FHDC1: variants seen among roughly 807,000 people sequenced by gnomAD.
FHDC1 encodes FH2 domain containing 1.
FHDC1 carries 25 observed loss-of-function variants against 52.6 expected under a neutral mutation model. The ratio of observed to expected loss-of-function variants is 0.48; its 90% CI spans 0.35 to 0.66. FHDC1 has a LOEUF of 0.66. FHDC1 is among the 30% of genes least tolerant of loss of function. FHDC1 has a pLI of 0.01. For missense variants in FHDC1, 1,459 were observed against 1,452.8 expected (o/e 1.00, Z -0.07); for synonymous variants, 616 against 581.5 (o/e 1.06, Z -0.85).
chr4:152,955,514 C>T (rs563061082), intron 4 of FHDC1, among the ~76,000 whole-genome samples: 1 of 152,116 alleles, frequency 6.6e-6, no homozygotes, highest in Admixed American at 6.5e-5. Flanking sequence ...TTTTTTGAGA[C>T]AGTCTTGCTC....
intron 2 of FHDC1, among the ~76,000 whole-genome samples, chr4:152,950,575 C>A (rs935875646): frequency 1.3e-5 from 2 of 152,226 alleles, no homozygotes; most frequent in Non-Finnish European, 2.9e-5. Context: ...GCTTCTACAG[C>A]TGGGCTGCCC....
chr4:152,935,589 C>A (rs550164310), upstream of FHDC1, among the ~76,000 whole-genome samples: 1 of 152,268 alleles, frequency 6.6e-6, no homozygotes, highest in Non-Finnish European at 1.5e-5. Context: ...TTAATACAAC[C>A]TAAAGGTTTC....
At position 152,975,613 on chromosome 4, in the gene FHDC1, G is replaced by A. The variant is rs7688776; in HGVS notation, c.2322G>A (p.Ser774=). 1.1e-5 allele frequency: 18 copies of A among 1,613,546 alleles called. No individual in the cohort carries two copies. The highest frequency in any genetic ancestry group is 8.3e-5 in the Admixed American group (5 of 60,024). ...NKDPRPLFCI[S]DTTDCSLTLD... is the part of the protein sequence containing the mutation. ...ATCCTAGACCTCTGTTCTGCATCTC[G>A]GACACCACCGACTGCTCACTGACCC... Residue 774 remains serine, a synonymous_variant, in exon 12 of 12, where the codon TCG becomes TCA. Coordinates refer to ENST00000511601, the MANE Select transcript of FHDC1 (RefSeq NM_001371116.1).
chr4:152,971,257 G>A (rs546668525), intron 10 of FHDC1, among the ~76,000 whole-genome samples: 16 of 152,288 alleles, frequency 1.1e-4, no homozygotes, highest in South Asian at 4.1e-4. Context: ...TCAGGAGGCC[G>A]AGGTGGGAGG....
At chr4:152,939,425 C>T (rs1349829923) in intron 1 of FHDC1, among the ~76,000 whole-genome samples, 2 of 152,080 alleles carry the variant, frequency 1.3e-5, no homozygotes, top group East Asian at 1.9e-4. Flanking sequence ...TGAGCCACCG[C>T]GCCTGGCCGA....
chr4:152,976,141 A>G lies in FHDC1; in HGVS notation c.2850A>G (p.Thr950=). 5 of 1,611,440 alleles carry G rather than the reference A, an allele frequency of 3.1e-6. No homozygotes were observed. The highest frequency in any genetic ancestry group is 4.2e-6 in the Non-Finnish European group (5 of 1,179,212). ...AGAACTCCGTGCGGAGGGCCTCCAC[A>G]GGCGCCGAAGAGCAGAGGCTGCCGC... is the stretch of plus-strand genomic sequence containing the variant. The part of the protein sequence containing the change: ...SRQNSVRRAS[T]GAEEQRLPRG... The change falls in exon 12 of 12, where the codon ACA becomes ACG. Residue 950 remains threonine (T), a synonymous_variant. Coordinates refer to ENST00000511601, the MANE Select transcript of FHDC1 (RefSeq NM_001371116.1).
At chr4:152,955,724 C>T (rs1470133116) in intron 4 of FHDC1, among the ~76,000 whole-genome samples, 7 of 152,304 alleles carry the variant, frequency 4.6e-5, no homozygotes, top group African/African-American at 7.2e-5. Flanking sequence ...GTTATTCACC[C>T]GCCTTGGCCT....
chr4:152,943,040 A>G lies in FHDC1; in HGVS notation c.-18A>G, dbSNP rs1357264371. ...TCTCCAAGGCCAAGAAATTATCTCC[A>G]TAGGAGGCAACAGTACTATGCATGT... On this transcript the variant is annotated 5_prime_UTR_variant, in exon 2 of 12. Transcript: ENST00000511601. The G allele has an allele frequency of 1.3e-6, 2 of 1,591,260 alleles. No homozygotes were observed. The highest frequency in any genetic ancestry group is 2.2e-5 in the East Asian group (1 of 44,608).
At chr4:152,970,455 T>C (rs1342291577) in intron 10 of FHDC1, among the ~76,000 whole-genome samples, 1 of 152,184 alleles carries the variant, frequency 6.6e-6, no homozygotes, top group Non-Finnish European at 1.5e-5. Context: ...GTCCAAAGGG[T>C]GACTTCAGTG....
chr4:152,957,923 C>T (rs1740151906), intron 4 of FHDC1, among the ~76,000 whole-genome samples: 1 of 152,094 alleles, frequency 6.6e-6, no homozygotes, highest in Non-Finnish European at 1.5e-5. Flanking sequence ...AGGGAACACC[C>T]CCACCACGCC....
the FHDC1 span, among the ~76,000 whole-genome samples, chr4:152,927,064 C>T: frequency 6.6e-6 from 1 of 152,178 alleles, no homozygotes; most frequent in Non-Finnish European, 1.5e-5. Flanking sequence ...TTGAAGTGAG[C>T]TCAGACTCCA....
rs753654479 is a variant in FHDC1 at position 152,976,026 on chromosome 4, G to C, written c.2735G>C (p.Ser912Thr). ...AAGGTCATGCCCATCACCAAGTCCAGCAGAGGCGCCGGCTGGAGGCGACCA... is the reference window on the plus strand; with the variant it reads ...AAGGTCATGCCCATCACCAAGTCCACCAGAGGCGCCGGCTGGAGGCGACCA... ...MRKVMPITKS[S>T]RGAGWRRPEL... The change falls in exon 12 of 12, where the codon AGC (serine) becomes ACC (threonine). Residue 912 changes from serine (S) to threonine (T), a missense_variant. Ser to Thr is a moderately conservative substitution (Grantham distance 58). Around this residue, in one of 3 missense-constraint regions of FHDC1, gnomAD observed 939 missense variants for 854.5 expected, o/e 1.10. Coordinates refer to ENST00000511601, the MANE Select transcript of FHDC1 (RefSeq NM_001371116.1). 1 of 1,561,038 alleles carries C rather than the reference G, an allele frequency of 6.4e-7. No homozygotes were observed. The highest frequency in any genetic ancestry group is 8.6e-7 in the Non-Finnish European group (1 of 1,157,712).
chr4:152,957,944 T>C (rs1009497073), intron 4 of FHDC1, among the ~76,000 whole-genome samples: 5 of 152,170 alleles, frequency 3.3e-5, no homozygotes, highest in Non-Finnish European at 7.3e-5. Flanking sequence ...TGACCAGCCC[T>C]TCCTCTGTTG....
At chr4:152,922,331 C>T in the FHDC1 span, among the ~76,000 whole-genome samples, 1 of 152,170 alleles carries the variant, frequency 6.6e-6, no homozygotes, top group Non-Finnish European at 1.5e-5. Context: ...TCTGAATAGA[C>T]CAATAACAGG....
chr4:152,972,430 T>A lies in FHDC1; in HGVS notation c.1272T>A (p.Asp424Glu). 6.2e-7 allele frequency: 1 copy of A among 1,610,362 alleles called. No homozygotes were observed. The highest frequency in any genetic ancestry group is 8.5e-7 in the Non-Finnish European group (1 of 1,179,186). ...AATGCTGGAAACAAGAGCTCCAGGA[T>A]GAGGCCTACACCCTTATAGATTTTT... is the stretch of plus-strand genomic sequence containing the variant. ...ELECWKQELQ[D>E]EAYTLIDFFC... The change falls in exon 11 of 12, where the codon GAT becomes GAA. Residue 424 changes from aspartate (D) to glutamate (E), a missense_variant. Physicochemically the swap from Asp to Glu is conservative, Grantham distance 45. Around this residue, in one of 3 missense-constraint regions of FHDC1, gnomAD observed 513 missense variants for 581.5 expected, o/e 0.88. Transcript: ENST00000511601.
At chr4:152,928,144 C>T in the FHDC1 span, 10 of 853,082 alleles carry the variant, frequency 1.2e-5, no homozygotes, top group Non-Finnish European at 2.1e-5. Context: ...GTGAAGGCAC[C>T]ATCAATGCCA....
chr4:152,974,393 TAAA>T (rs147035880), intron 11 of FHDC1, among the ~76,000 whole-genome samples: 87,621 of 151,584 alleles, frequency 0.58, 29,409 homozygotes, highest in Non-Finnish European at 0.75. Context: ...AAGGATCGGA[TAAA>T]AACTGTAGAC....
intron 10 of FHDC1, among the ~76,000 whole-genome samples, chr4:152,968,315 T>C (rs1052909116): frequency 9.2e-5 from 14 of 151,588 alleles, no homozygotes; most frequent in African/African-American, 3.4e-4. Context: ...TGTCTCTTCG[T>C]TTGTTTGACT....
At position 152,975,203 on chromosome 4, in the gene FHDC1, C is replaced by T. The variant is rs778658082; in HGVS notation, c.1912C>T (p.Arg638Trp). Residue 638 changes from arginine to tryptophan, a missense_variant, in exon 12 of 12, where the codon CGG (arginine) becomes TGG (tryptophan). Arg to Trp is a moderately radical substitution (Grantham distance 101, BLOSUM62 -3). Coordinates refer to ENST00000511601, the MANE Select transcript of FHDC1 (RefSeq NM_001371116.1). ...CCATGCCTCTGCCTTCCCCAGAGCT[C>T]GGCGCCAGGGCGTCAGTGTCCTCCG... ...ENHASAFPRA[R>W]RQGVSVLRKR... 28 of 1,613,142 alleles carry T rather than the reference C, an allele frequency of 1.7e-5. No individual in the cohort carries two copies. Among genetic ancestry groups the T allele is most frequent in the East Asian group, 4.5e-5 (2 of 44,888 alleles).
Sources: allele counts gnomAD v4.1 joint callset (sites outside exome capture counted in the v4.1 genomes callset), GRCh38; gene constraint gnomAD v4.1.1; regional missense constraint gnomAD v4.1.1; transcripts MANE v1.5; gene names NCBI Gene and HGNC (gene_info 2026-07-23, HGNC 2026-07-21).